MARCHF1: variants seen among roughly 807,000 people sequenced by gnomAD.
The protein encoded by MARCHF1 is membrane associated ring-CH-type finger 1.
MARCHF1 carries 40 observed loss-of-function variants against 54.2 expected under a neutral mutation model. That is an observed-to-expected ratio of 0.74 (90% CI 0.57 to 0.96). The LOEUF is 0.96. Among genes scored for constraint, MARCHF1 ranks in the 40% least tolerant of loss-of-function variants. The probability of loss-of-function intolerance (pLI) is 0.00; values close to 1 mark genes in which losing one functional copy is unlikely to be tolerated. For synonymous variants in MARCHF1, 236 were observed against 236.3 expected (o/e 1.00, Z 0.01); for missense variants, 586 against 656.5 (o/e 0.89, Z 1.17).
chr4:164,139,604 G>A (rs1007299906), intron 1 of MARCHF1, among the ~76,000 whole-genome samples: 2 of 152,096 alleles, frequency 1.3e-5, no homozygotes, highest in East Asian at 1.9e-4. Flanking sequence ...GAAATGACCT[G>A]TGGTATTTAT....
At chr4:164,102,655 A>T (rs1207017486) in intron 2 of MARCHF1, among the ~76,000 whole-genome samples, 1 of 151,870 alleles carries the variant, frequency 6.6e-6, no homozygotes, top group Non-Finnish European at 1.5e-5. Context: ...AGCCGCTGCA[A>T]AATCATGCCA....
At chr4:163,923,882 G>A (rs1751483228) in intron 3 of MARCHF1, among the ~76,000 whole-genome samples, 1 of 151,018 alleles carries the variant, frequency 6.6e-6, no homozygotes, top group Non-Finnish European at 1.5e-5. Flanking sequence ...TTTGTGATAG[G>A]TGATGATAGA....
intron 4 of MARCHF1, among the ~76,000 whole-genome samples, chr4:163,828,505 T>G (rs748690784): frequency 3.3e-5 from 5 of 152,116 alleles, no homozygotes; most frequent in Non-Finnish European, 7.4e-5. Flanking sequence ...TTAAAGAAGT[T>G]AAAGTAAAAA....
intron 1 of MARCHF1, among the ~76,000 whole-genome samples, chr4:164,239,012 T>C (rs931574302): frequency 6.6e-6 from 1 of 152,084 alleles, no homozygotes; most frequent in East Asian, 1.9e-4. Context: ...TTCATCTGTA[T>C]AGTGAATACC....
At chr4:164,379,864 G>A (rs1263911838) in intron 1 of MARCHF1, among the ~76,000 whole-genome samples, 3 of 151,738 alleles carry the variant, frequency 2.0e-5, no homozygotes, top group Non-Finnish European at 2.9e-5. Context: ...GCTGAGGGAC[G>A]AGAACCACTT....
rs111747974 is a variant in MARCHF1 at position 164,245,090 on chromosome 4, C to T, written c.-322-133428G>A. Among the ~76,000 whole-genome samples the T allele has an allele frequency of 3.9e-5, 6 of 152,240 alleles. No individual in the cohort carries two copies. In the East Asian group the frequency reaches 9.7e-4, roughly 25 times the overall value. On this transcript the variant is annotated intron_variant, in intron 1 of 9. Coordinates refer to ENST00000514618, the MANE Select transcript of MARCHF1 (RefSeq NM_001394959.1). ...TCCAATCAATAGAAAAAGAGGGAAC[C>T]CTCCCTAACTCATTTTATGAGGCCA...
rs1423675361 is a variant in MARCHF1 at position 163,629,806 on chromosome 4, A to G, written c.163-16413T>C. 1.8e-4 allele frequency among the ~76,000 whole-genome samples: 28 copies of G among 152,230 alleles called. 1 individual carries two copies. Among genetic ancestry groups the G allele is most frequent in the Admixed American group, 1.8e-3 (28 of 15,280 alleles). ...TGTAACAAATCTGCACGTTCTGCAC[A>G]TGCATCCCAGAACTTAAAATATAAT... On this transcript the variant is annotated intron_variant, in intron 5 of 9. Transcript: ENST00000514618.
chr4:163,981,011 T>C (rs965788649), intron 3 of MARCHF1, among the ~76,000 whole-genome samples: 10 of 152,150 alleles, frequency 6.6e-5, no homozygotes, highest in African/African-American at 2.4e-4. Context: ...GTAAGGATAA[T>C]TACTATAGAA....
intron 1 of MARCHF1, among the ~76,000 whole-genome samples, chr4:164,154,041 C>T (rs865941805): frequency 6.6e-6 from 1 of 152,260 alleles, no homozygotes; most frequent in East Asian, 1.9e-4. Context: ...AAACTGGGTA[C>T]ATTGCACATA....
chr4:163,706,692 C>A (rs574218643), intron 4 of MARCHF1, among the ~76,000 whole-genome samples: 2 of 151,564 alleles, frequency 1.3e-5, no homozygotes, highest in Non-Finnish European at 2.9e-5. Flanking sequence ...GAATGCAGTT[C>A]CAATTAAATC....
At chr4:164,086,676 C>A (rs549089747) in intron 2 of MARCHF1, among the ~76,000 whole-genome samples, 1 of 152,026 alleles carries the variant, frequency 6.6e-6, no homozygotes, top group East Asian at 1.9e-4. Flanking sequence ...AATCAATAAA[C>A]CATACTCTAC....
At chr4:164,365,508 C>G (rs1257827922) in intron 1 of MARCHF1, among the ~76,000 whole-genome samples, 1 of 151,928 alleles carries the variant, frequency 6.6e-6, no homozygotes. Context: ...CTCTGAAAAA[C>G]AAAATTTAGC....
chr4:164,000,063 G>A (rs555056304), intron 2 of MARCHF1, among the ~76,000 whole-genome samples: 18 of 151,774 alleles, frequency 1.2e-4, no homozygotes, highest in African/African-American at 3.9e-4. Flanking sequence ...ATGCTGCAAA[G>A]CCAAGCAGGC....
At chr4:164,282,555 C>T (rs1384124783) in intron 1 of MARCHF1, among the ~76,000 whole-genome samples, 1 of 151,186 alleles carries the variant, frequency 6.6e-6, no homozygotes, top group Admixed American at 6.7e-5. Context: ...CTTCACTTCC[C>T]ATTATAAACA....
At chr4:164,375,775 C>G (rs1272378499) in intron 1 of MARCHF1, among the ~76,000 whole-genome samples, 1 of 152,232 alleles carries the variant, frequency 6.6e-6, no homozygotes, top group East Asian at 1.9e-4. Context: ...CTACATCACA[C>G]TCCCTCTGAC....
At chr4:163,911,462 G>C (rs893368724) in intron 3 of MARCHF1, among the ~76,000 whole-genome samples, 6 of 152,154 alleles carry the variant, frequency 3.9e-5, no homozygotes, top group African/African-American at 1.4e-4. Context: ...TACAAGGCCT[G>C]AGGTGTCCAC....
At chr4:164,141,423 C>G (rs556534501) in intron 1 of MARCHF1, among the ~76,000 whole-genome samples, 2 of 152,178 alleles carry the variant, frequency 1.3e-5, no homozygotes, top group Non-Finnish European at 2.9e-5. Flanking sequence ...CATACTAAAA[C>G]CTATTTATAG....
At chr4:163,887,245 G>C (rs1560804000) in intron 3 of MARCHF1, among the ~76,000 whole-genome samples, 1 of 151,980 alleles carries the variant, frequency 6.6e-6, no homozygotes, top group Non-Finnish European at 1.5e-5. Flanking sequence ...TTGGGGAGGA[G>C]AGGGGACATT....
At chr4:163,632,160 G>T (rs991052086) in intron 5 of MARCHF1, among the ~76,000 whole-genome samples, 2 of 152,142 alleles carry the variant, frequency 1.3e-5, no homozygotes, top group African/African-American at 2.4e-5. Context: ...CAGTTACTCT[G>T]GAAAATATAG....
Sources: gnomAD v4.1 joint callset for allele counts (sites outside exome capture counted in the v4.1 genomes callset) on GRCh38, gnomAD v4.1.1 for gene constraint, MANE v1.5 for transcripts, NCBI Gene and HGNC (gene_info 2026-07-23, HGNC 2026-07-21) for gene names.